The following KCTD16 variants were observed in gnomAD, a reference collection of about 807,000 sequenced individuals.
KCTD16 encodes BTB/POZ domain-containing protein KCTD16.
A neutral mutation model predicts 33.2 loss-of-function variants in KCTD16; 13 were observed. The observed-to-expected ratio is 0.39, with a 90% CI of 0.25 to 0.62. The LOEUF (loss-of-function observed/expected upper bound fraction) is 0.62. Among genes scored for constraint, KCTD16 ranks in the 20% least tolerant of loss-of-function variants. The pLI is 0.50. For synonymous variants in KCTD16, 197 were observed against 195.3 expected (o/e 1.01, Z -0.07); for missense variants, 441 against 525.1 (o/e 0.84, Z 1.57).
chr5:144,278,149 G>A (rs1755489581), intron 3 of KCTD16, among the ~76,000 whole-genome samples: 1 of 152,016 alleles, frequency 6.6e-6, no homozygotes, highest in South Asian at 2.1e-4. Context: ...AAGTGTAATA[G>A]TTTAACATTT....
chr5:144,343,311 G>T (rs1752696724), intron 3 of KCTD16, among the ~76,000 whole-genome samples: 1 of 151,990 alleles, frequency 6.6e-6, no homozygotes, highest in Admixed American at 6.6e-5. Flanking sequence ...TCTTGGGAGG[G>T]TGTATGTGTC....
intron 2 of KCTD16, among the ~76,000 whole-genome samples, chr5:144,195,275 T>C (rs1294784178): frequency 2.6e-5 from 4 of 152,238 alleles, no homozygotes; most frequent in African/African-American, 9.6e-5. Flanking sequence ...TATTTACCTT[T>C]CTTATCTTTC....
rs1397103558 is a variant in KCTD16 at position 144,477,023 on chromosome 5, T to C, written c.*2909T>C. 1 of 152,092 alleles carries C rather than the reference T, an allele frequency of 6.6e-6. No homozygotes were observed. Among genetic ancestry groups the C allele is most frequent in the Admixed American group, 6.6e-5 (1 of 15,256 alleles). 9.4% of individuals were successfully genotyped at this position (152,092 alleles called of 1,614,324 possible). ...TAGAGCCCCAACTTAGATTGCCTTC[T>C]GGGAAATCCCGCGATACTAAAATCC... On this transcript the variant is annotated 3_prime_UTR_variant, in exon 4 of 4. Transcript: ENST00000512467.
At chr5:144,322,093 G>A (rs1404226511) in intron 3 of KCTD16, among the ~76,000 whole-genome samples, 1 of 151,986 alleles carries the variant, frequency 6.6e-6, no homozygotes, top group Non-Finnish European at 1.5e-5. Flanking sequence ...TGATCTCGAG[G>A]GATAAGAATA....
At chr5:144,186,110 A>G (rs996072493) in intron 2 of KCTD16, among the ~76,000 whole-genome samples, 2 of 152,162 alleles carry the variant, frequency 1.3e-5, no homozygotes, top group African/African-American at 4.8e-5. Context: ...TCTATAATCT[A>G]TCATTCATAT....
intron 2 of KCTD16, among the ~76,000 whole-genome samples, chr5:144,189,489 C>T (rs58440852): frequency 0.18 from 24,852 of 136,440 alleles, 2,314 homozygotes; most frequent in Admixed American, 0.28. Flanking sequence ...GAGTGAGACT[C>T]CATCTCAAAA....
At chr5:144,258,669 T>C (rs1323238383) in intron 3 of KCTD16, among the ~76,000 whole-genome samples, 1 of 152,200 alleles carries the variant, frequency 6.6e-6, no homozygotes, top group Non-Finnish European at 1.5e-5. Flanking sequence ...ACATATATAC[T>C]TTAATTCAAA....
At chr5:144,464,152 G>A (rs1179167576) in intron 3 of KCTD16, among the ~76,000 whole-genome samples, 1 of 152,120 alleles carries the variant, frequency 6.6e-6, no homozygotes, top group African/African-American at 2.4e-5. Flanking sequence ...GAATATAATG[G>A]CTGGGTCTTT....
intron 3 of KCTD16, among the ~76,000 whole-genome samples, chr5:144,304,196 G>T (rs1751525034): frequency 1.3e-5 from 2 of 152,186 alleles, no homozygotes; most frequent in Admixed American, 1.3e-4. Context: ...AATAAAAAAA[G>T]ACCAGGGTGT....
intron 3 of KCTD16, among the ~76,000 whole-genome samples, chr5:144,470,159 T>C (rs1283962929): frequency 6.6e-6 from 1 of 152,110 alleles, no homozygotes; most frequent in Non-Finnish European, 1.5e-5. Context: ...TTTGGTATAA[T>C]TGGGGGGATT....
At chr5:144,365,330 A>G (rs1419458611) in intron 3 of KCTD16, among the ~76,000 whole-genome samples, 1 of 152,156 alleles carries the variant, frequency 6.6e-6, no homozygotes, top group Non-Finnish European at 1.5e-5. Flanking sequence ...GTCTTACGTT[A>G]TACAATTGTG....
intron 3 of KCTD16, among the ~76,000 whole-genome samples, chr5:144,236,823 T>G (rs1289074468): frequency 6.6e-6 from 1 of 152,126 alleles, no homozygotes; most frequent in Non-Finnish European, 1.5e-5. Flanking sequence ...TTGGGAAACT[T>G]AAACTTGTGG....
intron 2 of KCTD16, among the ~76,000 whole-genome samples, chr5:144,175,475 T>G (rs1752485607): frequency 6.6e-6 from 1 of 152,350 alleles, no homozygotes; most frequent in South Asian, 2.1e-4. Flanking sequence ...GATAATTGCA[T>G]CTGTGTCTCC....
chr5:144,287,871 T>TG (rs1755790545), intron 3 of KCTD16, among the ~76,000 whole-genome samples: 1 of 152,120 alleles, frequency 6.6e-6, no homozygotes, highest in South Asian at 2.1e-4. Flanking sequence ...CCTGACCTCG[T>TG]GATCCCCCTG....
chr5:144,239,970 T>A (rs1003142501), intron 3 of KCTD16, among the ~76,000 whole-genome samples: 1 of 152,160 alleles, frequency 6.6e-6, no homozygotes, highest in African/African-American at 2.4e-5. Context: ...CTTCCATTTT[T>A]TTAAGTGCTT....
intron 3 of KCTD16, among the ~76,000 whole-genome samples, 197 bp from the exon 4 acceptor site, chr5:144,473,463 A>T (rs551171450): frequency 7.1e-4 from 108 of 152,254 alleles, no homozygotes; most frequent in Non-Finnish European, 1.2e-3. Context: ...GCATGCCATC[A>T]TTAATTTCCT....
chr5:144,408,092 G>C (rs1363419424), intron 3 of KCTD16, among the ~76,000 whole-genome samples: 1 of 152,152 alleles, frequency 6.6e-6, no homozygotes, highest in Non-Finnish European at 1.5e-5. Flanking sequence ...TGGTATTTCT[G>C]GTCCTAGATC....
rs367796082 is a variant in KCTD16 at position 144,398,708 on chromosome 5, A to ACT, written c.833-74929_833-74928dup. On this transcript the variant is annotated intron_variant, in intron 3 of 3. Transcript: ENST00000512467. ...CTTTGAATATATTACACACACACAC[A>ACT]CTCTCTCTCTCTCTCTCTCTCTCTT... is the stretch of plus-strand genomic sequence containing the variant. 5.2e-3 allele frequency among the ~76,000 whole-genome samples: 762 copies of ACT among 145,502 alleles called. 9 individuals carry two copies. Among genetic ancestry groups the ACT allele is most frequent in the Admixed American group, 0.027 (390 of 14,474 alleles).
intron 3 of KCTD16, among the ~76,000 whole-genome samples, chr5:144,337,054 C>T: frequency 6.6e-6 from 1 of 151,612 alleles, no homozygotes; most frequent in East Asian, 1.9e-4. Context: ...TCCCAAGTTT[C>T]TTCCTTGTCC....
Sources: gnomAD v4.1 joint callset for allele counts (sites outside exome capture counted in the v4.1 genomes callset) on GRCh38, gnomAD v4.1.1 for gene constraint, MANE v1.5 for transcripts, NCBI Gene and HGNC (gene_info 2026-07-23, HGNC 2026-07-21) for gene names.